CDH11: variants seen among roughly 807,000 people sequenced by gnomAD.
CDH11 encodes cadherin-11.
A neutral mutation model predicts 67.8 loss-of-function variants in CDH11; 11 were observed. That is an observed-to-expected ratio of 0.16 (90% CI 0.10 to 0.27). The LOEUF is 0.27. Ranked by LOEUF, CDH11 falls within the 10% of genes least tolerant of loss-of-function variation. CDH11 has a pLI of 1.00. For missense variants in CDH11, 847 were observed against 1,031.2 expected, an observed-to-expected ratio of 0.82 and a Z score of 2.45; for synonymous variants, 419 against 400.0, an observed-to-expected ratio of 1.05 and a Z score of -0.57.
chr16:65,032,278 G>A (rs2073658116), intron 2 of CDH11, among the ~76,000 whole-genome samples: 1 of 150,588 alleles, frequency 6.6e-6, no homozygotes, highest in South Asian at 2.1e-4. Context: ...CTTGAACTCA[G>A]GAGTTCGAGA....
chr16:65,008,803 G>A (rs770840713), intron 2 of CDH11, among the ~76,000 whole-genome samples: 2 of 152,120 alleles, frequency 1.3e-5, no homozygotes, highest in African/African-American at 4.8e-5. Flanking sequence ...CTAGAAGCCA[G>A]CTAAATGTGG....
At chr16:65,062,604 A>G (rs567644936) in intron 1 of CDH11, among the ~76,000 whole-genome samples, 21 of 152,328 alleles carry the variant, frequency 1.4e-4, no homozygotes, top group Non-Finnish European at 2.6e-4. Context: ...TAGGTTAAGA[A>G]AAAAATGCCA....
At chr16:65,058,137 G>C (rs931803002) in intron 1 of CDH11, among the ~76,000 whole-genome samples, 1 of 152,072 alleles carries the variant, frequency 6.6e-6, no homozygotes, top group East Asian at 1.9e-4. Context: ...CTTGAGGATC[G>C]TTTGAGCCTG....
At chr16:65,102,844 C>T (rs745321117) in intron 1 of CDH11, among the ~76,000 whole-genome samples, 1 of 152,174 alleles carries the variant, frequency 6.6e-6, no homozygotes, top group Non-Finnish European at 1.5e-5. Context: ...AGACTCAGGA[C>T]AGGAGCAATG....
chr16:64,993,022 A>G lies in CDH11; in HGVS notation c.536T>C (p.Ile179Thr). Residue 179 changes from isoleucine to threonine, a missense_variant, in exon 5 of 13, where the codon ATC becomes ACC. Physicochemically the swap from Ile to Thr is moderately conservative, Grantham distance 89 (BLOSUM62 -1). This residue lies in a region of CDH11 where 235 missense variants were observed against 352.5 expected (regional missense o/e 0.67). Transcript: ENST00000268603. ...ATCTGCATCTGAAGCTGTCACCTGG[A>G]TTACTGACGTTCCTTAAAAGTGAAA... ...PERSNVGTSV[I>T]QVTASDADDP... is the part of the protein sequence containing the mutation. The G allele has an allele frequency of 1.9e-6, 3 of 1,611,134 alleles. No homozygotes were observed. The highest frequency in any genetic ancestry group is 2.5e-6 in the Non-Finnish European group (3 of 1,177,358).
intron 11 of CDH11, among the ~76,000 whole-genome samples, chr16:64,951,878 A>T (rs1356101527): frequency 6.6e-6 from 1 of 151,826 alleles, no homozygotes; most frequent in Admixed American, 6.6e-5. Flanking sequence ...CAGCCACCCA[A>T]TTAAACATGT....
At chr16:65,078,436 C>T (rs1420574141) in intron 1 of CDH11, among the ~76,000 whole-genome samples, 1 of 152,102 alleles carries the variant, frequency 6.6e-6, no homozygotes. Flanking sequence ...TTAGCATCAG[C>T]GAAGACACTA....
In CDH11 at chr16:64,998,860, G is replaced by A. The variant is rs777762594; in HGVS notation, c.229-4C>T. On this transcript the variant is annotated splice_region_variant and splice_polypyrimidine_tract_variant and intron_variant, in intron 3 of 12. Transcript: ENST00000268603. ...CAGAGTCAATATCTGAATGAAGCTG[G>A]AAGAAAGAGAAATTGAGATTTTTAA... is the stretch of plus-strand genomic sequence containing the variant. 1.2e-6 allele frequency: 2 copies of A among 1,611,062 alleles called. No individual in the cohort carries two copies. Among genetic ancestry groups the A allele is most frequent in the Non-Finnish European group, 1.7e-6 (2 of 1,177,666 alleles).
At chr16:65,030,786 C>T (rs945833765) in intron 2 of CDH11, among the ~76,000 whole-genome samples, 1 of 152,144 alleles carries the variant, frequency 6.6e-6, no homozygotes, top group Non-Finnish European at 1.5e-5. Flanking sequence ...TTGTCTCAAA[C>T]TCCTGAGCTC....
intron 1 of CDH11, among the ~76,000 whole-genome samples, chr16:65,075,802 T>C (rs1347027066): frequency 6.6e-6 from 1 of 152,214 alleles, no homozygotes; most frequent in African/African-American, 2.4e-5. Context: ...CTGTGTGACC[T>C]CAGGGAAGTA....
intron 2 of CDH11, among the ~76,000 whole-genome samples, chr16:65,011,249 T>A (rs1322947289): frequency 6.6e-6 from 1 of 151,980 alleles, no homozygotes; most frequent in African/African-American, 2.4e-5. Context: ...TTTACAGGAC[T>A]GCAGAAGCCA....
chr16:65,066,569 G>A (rs1380560510), intron 1 of CDH11, among the ~76,000 whole-genome samples: 1 of 152,152 alleles, frequency 6.6e-6, no homozygotes, highest in Non-Finnish European at 1.5e-5. Flanking sequence ...AAACAGAGAG[G>A]GGATCATATC....
intron 4 of CDH11, among the ~76,000 whole-genome samples, chr16:64,995,625 C>T (rs1462802615): frequency 3.9e-5 from 6 of 152,072 alleles, no homozygotes; most frequent in Admixed American, 3.9e-4. Context: ...TGTAAGACCT[C>T]AAACTATAAA....
intron 1 of CDH11, among the ~76,000 whole-genome samples, chr16:65,083,341 C>G (rs1022495327): frequency 6.6e-6 from 1 of 152,166 alleles, no homozygotes; most frequent in Non-Finnish European, 1.5e-5. Flanking sequence ...GAAAGAAGGA[C>G]GTGAGAGCAC....
At chr16:64,983,282 T>C (rs1374741432) in intron 7 of CDH11, 1 of 152,154 alleles carries the variant, frequency 6.6e-6, no homozygotes, top group Non-Finnish European at 1.5e-5. Context: ...GGGAAATTGA[T>C]AGTAAACACT....
At chr16:65,085,391 CTG>C (rs1276590350) in intron 1 of CDH11, among the ~76,000 whole-genome samples, 1 of 152,208 alleles carries the variant, frequency 6.6e-6, no homozygotes, top group African/African-American at 2.4e-5. Flanking sequence ...GGTTCCTCCT[CTG>C]TAAAATGACA....
intron 8 of CDH11, among the ~76,000 whole-genome samples, chr16:64,977,412 G>A (rs1361639231): frequency 2.6e-5 from 4 of 152,148 alleles, no homozygotes; most frequent in African/African-American, 9.7e-5. Context: ...AATCCTTGGA[G>A]ACAATGAGGT....
intron 1 of CDH11, among the ~76,000 whole-genome samples, chr16:65,102,433 T>C (rs971061858): frequency 1.3e-5 from 2 of 152,238 alleles, no homozygotes; most frequent in African/African-American, 4.8e-5. Context: ...TTGGGAAACC[T>C]GTGGAGGAAA....
intron 1 of CDH11, among the ~76,000 whole-genome samples, chr16:65,115,383 C>G (rs1035613749): frequency 6.6e-6 from 1 of 152,046 alleles, no homozygotes; most frequent in Admixed American, 6.5e-5. Context: ...CAATCTAAAA[C>G]AAATGTTCAA....
Sources: gnomAD v4.1 joint callset for allele counts (sites outside exome capture counted in the v4.1 genomes callset) on GRCh38, gnomAD v4.1.1 for gene constraint, gnomAD v4.1.1 regional missense constraint, MANE v1.5 for transcripts, NCBI Gene and HGNC (gene_info 2026-07-23, HGNC 2026-07-21) for gene names.